The following BCL9 variants were observed in gnomAD, a reference collection of about 807,000 sequenced individuals.
BCL9 encodes the protein B-cell CLL/lymphoma 9 protein.
A neutral mutation model predicts 88.5 loss-of-function variants in BCL9; 25 were observed. That is an observed-to-expected ratio of 0.28 (90% CI 0.21 to 0.39). The LOEUF (loss-of-function observed/expected upper bound fraction) is 0.39. Among genes scored for constraint, BCL9 ranks in the 10% least tolerant of loss-of-function variants. The pLI is 1.00. For synonymous variants in BCL9, 711 were observed against 673.3 expected, an observed-to-expected ratio of 1.06 and a Z score of -0.87; for missense variants, 1,817 against 1,877.8, an observed-to-expected ratio of 0.97 and a Z score of 0.60.
chr1:147,565,910 C>G (rs760619289), intron 1 of BCL9, among the ~76,000 whole-genome samples: 4 of 152,206 alleles, frequency 2.6e-5, no homozygotes, highest in Non-Finnish European at 4.4e-5. Context: ...CCCCCATCCT[C>G]TTACCAGAGG....
chr1:147,590,187 A>G, intron 1 of BCL9, among the ~76,000 whole-genome samples: 1 of 152,180 alleles, frequency 6.6e-6, no homozygotes, highest in South Asian at 2.1e-4. Flanking sequence ...GATTACCAGA[A>G]TGAGCCACCA....
intron 2 of BCL9, among the ~76,000 whole-genome samples, chr1:147,605,565 A>G (rs1320596894): frequency 2.0e-5 from 3 of 152,374 alleles, no homozygotes; most frequent in Non-Finnish European, 2.9e-5. Context: ...AAAGTTAGCT[A>G]TTAAAAGGTG....
intron 7 of BCL9, among the ~76,000 whole-genome samples, chr1:147,617,141 G>A (rs781874879): frequency 6.6e-6 from 1 of 152,174 alleles, no homozygotes; most frequent in Non-Finnish European, 1.5e-5. Context: ...AAGGGTAGAA[G>A]ATGCATACAG....
At chr1:147,611,194 C>T (rs587674483) in intron 3 of BCL9, among the ~76,000 whole-genome samples, 2 of 152,194 alleles carry the variant, frequency 1.3e-5, no homozygotes, top group African/African-American at 2.4e-5. Flanking sequence ...TATGGATCTG[C>T]GGTACCTAGG....
chr1:147,580,533 T>C (rs1656319906), intron 1 of BCL9, among the ~76,000 whole-genome samples: 1 of 152,158 alleles, frequency 6.6e-6, no homozygotes, highest in African/African-American at 2.4e-5. Flanking sequence ...GCACAGTGGT[T>C]TGTGGTCTTA....
chr1:147,622,427 G>T lies in BCL9; in HGVS notation c.3059G>T (p.Ser1020Ile). ...MSRMSKFAMP[S>I]STPLYHDAIK... Reference sequence around the variant, plus strand: ...CGAATGTCCAAGTTTGCAATGCCCAGTTCCACCCCGTTATACCATGATGCT... The same window carrying T: ...CGAATGTCCAAGTTTGCAATGCCCATTTCCACCCCGTTATACCATGATGCT... The change falls in exon 9 of 10, where the codon AGT (serine) becomes ATT (isoleucine). Residue 1020 changes from serine to isoleucine, a missense_variant. Ser to Ile is a moderately radical substitution (Grantham distance 142). Around this residue, in one of 2 missense-constraint regions of BCL9, gnomAD observed 589 missense variants for 686.2 expected, o/e 0.86. Transcript: ENST00000234739. The T allele has an allele frequency of 1.2e-6, 2 of 1,614,086 alleles. No individual in the cohort carries two copies. The highest frequency in any genetic ancestry group is 2.2e-5 in the East Asian group (1 of 44,872).
chr1:147,619,393 C>T lies in BCL9; in HGVS notation c.1238C>T (p.Ser413Phe). ...CCAATACAGGCCATGATGGCCCAAT[C>T]CCAAAGCCTAGGTAAGGGACCTGGG... ...EGPIQAMMAQSQSLGKGPGPR... is the reference protein window; with the variant it reads ...EGPIQAMMAQFQSLGKGPGPR... Residue 413 changes from serine (S) to phenylalanine (F), a missense_variant, in exon 8 of 10, where the codon TCC (serine) becomes TTC (phenylalanine). Ser to Phe is a radical substitution (Grantham distance 155, BLOSUM62 -2). This residue lies in a region of BCL9 where 1,228 missense variants were observed against 1,191.6 expected (regional missense o/e 1.03). Transcript: ENST00000234739. This position sits in a 1 kb window ranked among gnomAD's most constrained non-coding sequence, Gnocchi z 4.1. 1.2e-6 allele frequency: 2 copies of T among 1,614,120 alleles called. No homozygotes were observed. The highest frequency in any genetic ancestry group is 1.7e-6 in the Non-Finnish European group (2 of 1,180,032).
intron 1 of BCL9, among the ~76,000 whole-genome samples, chr1:147,558,111 G>A (rs1321583244): frequency 1.3e-5 from 2 of 152,132 alleles, no homozygotes; most frequent in Non-Finnish European, 2.9e-5. Flanking sequence ...GATGTGGTAT[G>A]TCATTTAATT....
At chr1:147,602,711 A>G (rs1465294763) in intron 1 of BCL9, among the ~76,000 whole-genome samples, 4 of 152,174 alleles carry the variant, frequency 2.6e-5, no homozygotes, top group African/African-American at 9.7e-5. Flanking sequence ...TAAAAGAACA[A>G]TTTCCATAGA....
intron 1 of BCL9, among the ~76,000 whole-genome samples, chr1:147,581,560 T>C (rs1029910706): frequency 2.6e-5 from 4 of 152,200 alleles, no homozygotes; most frequent in Non-Finnish European, 4.4e-5. Context: ...GGTCTTTTGT[T>C]TGGGGGAAGG....
chr1:147,564,521 T>C (rs140560919), intron 1 of BCL9, among the ~76,000 whole-genome samples: 2,210 of 152,250 alleles, frequency 0.015, 27 homozygotes, highest in Middle Eastern at 0.031. Flanking sequence ...GTCTGAGACC[T>C]TGGGGAAAAC....
intron 1 of BCL9, among the ~76,000 whole-genome samples, chr1:147,587,897 G>C (rs1426877600): frequency 6.6e-6 from 1 of 151,972 alleles, no homozygotes; most frequent in Non-Finnish European, 1.5e-5. Context: ...CCTATGAACA[G>C]AATAATGATT....
At chr1:147,597,569 T>G (rs1190958199) in intron 1 of BCL9, among the ~76,000 whole-genome samples, 2 of 152,224 alleles carry the variant, frequency 1.3e-5, no homozygotes, top group Non-Finnish European at 2.9e-5. Flanking sequence ...AATGTTTATG[T>G]ATATACAGTG....
At position 147,547,173 on chromosome 1, in the gene BCL9, GT is replaced by G. The variant is rs1408584058; in HGVS notation, c.-478+5501del. Among the ~76,000 whole-genome samples the G allele has an allele frequency of 2.0e-5, 3 of 152,132 alleles. No homozygotes were observed. The South Asian group carries it at 6.2e-4, about 32-fold the overall frequency. On this transcript the variant is annotated intron_variant, in intron 1 of 9. Transcript: ENST00000234739. ...GAGATTATTGAAGACTTGCTGATAT[GT>G]TACGTATGTGTATGTGTGTATAAAA...
chr1:147,587,137 T>C (rs2101562442), intron 1 of BCL9, among the ~76,000 whole-genome samples: 1 of 152,076 alleles, frequency 6.6e-6, no homozygotes, highest in East Asian at 1.9e-4. Context: ...CCGTGCCACA[T>C]TCATCACAAC....
At chr1:147,562,561 A>T (rs1553196244) in intron 1 of BCL9, among the ~76,000 whole-genome samples, 1 of 152,170 alleles carries the variant, frequency 6.6e-6, no homozygotes, top group African/African-American at 2.4e-5. Context: ...CTAGGGAGAA[A>T]TGATAAGGAC....
At chr1:147,573,173 G>A (rs1303847065) in intron 1 of BCL9, among the ~76,000 whole-genome samples, 1 of 152,168 alleles carries the variant, frequency 6.6e-6, no homozygotes, top group South Asian at 2.1e-4. Flanking sequence ...GGTTGAGGCC[G>A]GGAGCGGTGG....
At chr1:147,601,304 C>T (rs1657377003) in intron 1 of BCL9, among the ~76,000 whole-genome samples, 1 of 152,090 alleles carries the variant, frequency 6.6e-6, no homozygotes, top group African/African-American at 2.4e-5. Flanking sequence ...AGAATTGATG[C>T]AAAATTTGAC....
At chr1:147,596,460 CTGG>C (rs1553200508) in intron 1 of BCL9, among the ~76,000 whole-genome samples, 1 of 135,598 alleles carries the variant, frequency 7.4e-6, no homozygotes, top group Non-Finnish European at 1.5e-5. Flanking sequence ...GTCGCCCAGG[CTGG>C]AGTGCAGTGG....
Sources: gnomAD v4.1 joint callset for allele counts (sites outside exome capture counted in the v4.1 genomes callset) on GRCh38, gnomAD v4.1.1 for gene constraint, gnomAD v4.1.1 regional missense constraint, Gnocchi (gnomAD v3.1) non-coding constraint, MANE v1.5 for transcripts, NCBI Gene and HGNC (gene_info 2026-07-23, HGNC 2026-07-21) for gene names.